Variants in RGPD4 observed in about 807,000 individuals in gnomAD.
The protein encoded by RGPD4 is RANBP2 like and GRIP domain containing 4.
RGPD4 carries 84 observed loss-of-function variants against 141.1 expected under a neutral mutation model. The observed-to-expected ratio is 0.60, with a 90% CI of 0.50 to 0.71. The LOEUF is 0.71. RGPD4 is among the 30% of genes least tolerant of loss of function. The pLI is 0.00. For synonymous variants in RGPD4, 298 were observed against 566.8 expected (o/e 0.53, Z 6.74); for missense variants, 918 against 1,622.4 (o/e 0.57, Z 7.46).
At chr2:107,834,813 T>C (rs1681616195) in intron 1 of RGPD4, among the ~76,000 whole-genome samples, 2 of 101,694 alleles carry the variant, frequency 2.0e-5, no homozygotes, top group South Asian at 8.1e-4. Flanking sequence ...AAAAGAAATT[T>C]GTGCTAGTTT....
At chr2:107,844,784 G>A (rs954861100) in intron 6 of RGPD4, among the ~76,000 whole-genome samples, 1 of 104,524 alleles carries the variant, frequency 9.6e-6, no homozygotes, top group African/African-American at 3.6e-5. Flanking sequence ...GGACATCAAA[G>A]ATGTTTGTAT....
rs1681859511 is a variant in RGPD4 at position 107,844,823 on chromosome 2, C to CTTTTTT, written c.782+1094_782+1099dup. ...GGTTCCTTTCTTTCTTTCTTTCTTT[C>CTTTTTT]TTTTTTGTTTTTTTTTTTTTTTTTT... On this transcript the variant is annotated intron_variant, in intron 6 of 22. Transcript: ENST00000408999. Among the ~76,000 whole-genome samples the CTTTTTT allele has an allele frequency of 1.7e-4, 9 of 53,844 alleles. 1 individual carries two copies. The highest frequency in any genetic ancestry group is 4.8e-4 in the African/African-American group (7 of 14,586). 35.3% of individuals were successfully genotyped at this position (53,844 alleles called of 152,430 possible). A position where few individuals can be genotyped will look rare whatever the true frequency, so the allele number is the denominator to read the frequency against.
At chr2:107,854,692 T>C (rs562989242) in intron 8 of RGPD4, 49 bp downstream of exon 8, 22,938 of 1,556,074 alleles carry the variant, frequency 0.015, 361 homozygotes, top group Non-Finnish European at 0.017. Context: ...AAGGAATTTC[T>C]GTTAAGGCAT....
Position 107,827,063 on chromosome 2 carries a change from G to A in RGPD4, c.50G>A (p.Gly17Asp). Residue 17 changes from glycine to aspartate, a missense_variant, in exon 1 of 23, where the codon GGC (glycine) becomes GAC (aspartate). Coordinates refer to ENST00000408999, the MANE Select transcript of RGPD4 (RefSeq NM_182588.3). ...GAGCGGTACGTCGCCTCCGTGCAGG[G>A]CTCCGCCCCGTCGCCTCGAAAGGTG... ...YGERYVASVQ[G>D]SAPSPRKKST... 1.3e-6 allele frequency: 2 copies of A among 1,593,718 alleles called. No individual in the cohort carries two copies. The highest frequency in any genetic ancestry group is 1.7e-6 in the Non-Finnish European group (2 of 1,171,384).
intron 9 of RGPD4, among the ~76,000 whole-genome samples, chr2:107,857,277 C>T (rs140903173): frequency 2.0e-5 from 3 of 151,682 alleles, no homozygotes; most frequent in South Asian, 4.2e-4. Context: ...AGCGGGATTA[C>T]AAATGCCCAC....
At chr2:107,880,274 T>TTTTC (rs1675320212) in intron 21 of RGPD4, among the ~76,000 whole-genome samples, 167 bp downstream of exon 21, 1 of 131,044 alleles carries the variant, frequency 7.6e-6, no homozygotes, top group Admixed American at 7.7e-5. Context: ...TTTTTTTTTT[T>TTTTC]TTTTTTTTTG....
intron 11 of RGPD4, 76 bp from the exon 12 acceptor site, chr2:107,859,646 C>T (rs1035199286): frequency 2.0e-5 from 33 of 1,611,042 alleles, no homozygotes; most frequent in Admixed American, 1.0e-4. Flanking sequence ...TGTCATGTGA[C>T]CCATTAACAT....
intron 20 of RGPD4, among the ~76,000 whole-genome samples, chr2:107,874,073 A>C (rs1485776941): frequency 6.8e-6 from 1 of 147,040 alleles, no homozygotes; most frequent in Non-Finnish European, 1.5e-5. Context: ...TTTGTTTTTT[A>C]AAATGTACTG....
At position 107,826,899 on chromosome 2, in the gene RGPD4, T is replaced by A. The variant is rs1313506362; in HGVS notation, c.-115T>A. ...GCAGGACACAAGTTCGTCACAGTGG[T>A]CCTCCGCCGGCTACGCGGAGTCAGT... On this transcript the variant is annotated 5_prime_UTR_variant, in exon 1 of 23. Coordinates refer to ENST00000408999, the MANE Select transcript of RGPD4 (RefSeq NM_182588.3). 1 of 1,541,752 alleles carries A rather than the reference T, an allele frequency of 6.5e-7. No homozygotes were observed. Among genetic ancestry groups the A allele is most frequent in the East Asian group, 2.5e-5 (1 of 40,504 alleles).
At chr2:107,847,147 C>T (rs1169523929) in intron 6 of RGPD4, among the ~76,000 whole-genome samples, 4 of 139,228 alleles carry the variant, frequency 2.9e-5, no homozygotes, top group African/African-American at 1.1e-4. Context: ...GAGGCTGAGG[C>T]GGAAGAATCG....
chr2:107,849,359 G>A (rs1682052618), intron 7 of RGPD4, among the ~76,000 whole-genome samples: 1 of 51,186 alleles, frequency 2.0e-5, no homozygotes, highest in African/African-American at 9.8e-5. Flanking sequence ...TGGCGCGCCT[G>A]GCCTTTTTTT....
rs539473404 is a variant in RGPD4 at position 107,890,646 on chromosome 2, T to C, written c.5267-75T>C. 2.4e-4 allele frequency: 295 copies of C among 1,239,786 alleles called. 2 individuals carry two copies. In the African/African-American group the frequency reaches 4.4e-3, roughly 18 times the overall value. 76.8% of individuals were successfully genotyped at this position (1,239,786 alleles called of 1,614,324 possible). The stretch of plus-strand genomic sequence containing the variant: ...ATTATTTGCTTATATTGTAGAGTGG[T>C]TCTAAAATATAGATTTTACATTGAG... On this transcript the variant is annotated intron_variant, in intron 22 of 22. Coordinates refer to ENST00000408999, the MANE Select transcript of RGPD4 (RefSeq NM_182588.3).
chr2:107,888,721 T>A (rs1021591373), intron 22 of RGPD4, among the ~76,000 whole-genome samples: 6 of 92,362 alleles, frequency 6.5e-5, no homozygotes, highest in Non-Finnish European at 1.3e-4. Context: ...TCTTCTCTGC[T>A]TGCACACTTT....
intron 22 of RGPD4, among the ~76,000 whole-genome samples, chr2:107,885,101 CAAAT>C (rs1428336037): frequency 6.6e-6 from 1 of 151,854 alleles, no homozygotes; most frequent in Non-Finnish European, 1.5e-5. Context: ...CACAAGGGCC[CAAAT>C]AAGAATACAT....
chr2:107,849,180 G>A (rs1355249622), intron 7 of RGPD4, among the ~76,000 whole-genome samples: 4 of 72,196 alleles, frequency 5.5e-5, no homozygotes, highest in African/African-American at 1.3e-4. Flanking sequence ...TCAGCCTCCC[G>A]AGTAGCTGGG....
At chr2:107,880,177 C>T (rs1480126327) in intron 21 of RGPD4, 70 bp downstream of exon 21, 2 of 1,603,484 alleles carry the variant, frequency 1.2e-6, no homozygotes, top group African/African-American at 1.4e-5. Flanking sequence ...TACACATGTA[C>T]CCAAGTTTAA....
In RGPD4 at chr2:107,872,764, C is replaced by G. The variant is rs772633794; in HGVS notation, c.4760C>G (p.Ser1587Ter). ...SLKSNNSETS[S>*]VAQSGSESKV... ...AAAAGTAACAACAGTGAAACTAGTTCAGTAGCCCAGAGTGGATCTGAAAGC... is the reference window on the plus strand; with the variant it reads ...AAAAGTAACAACAGTGAAACTAGTTGAGTAGCCCAGAGTGGATCTGAAAGC... The change falls in exon 20 of 23, where the codon TCA becomes TGA. Residue 1587 changes from serine (S) to a stop codon, truncating the protein, a stop_gained. Transcript: ENST00000408999. LOFTEE classifies it high-confidence loss of function. 1.1e-5 allele frequency: 18 copies of G among 1,611,402 alleles called. No individual in the cohort carries two copies. In the South Asian group the frequency reaches 2.0e-4, roughly 18 times the overall value.
intron 8 of RGPD4, among the ~76,000 whole-genome samples, 159 bp downstream of exon 8, chr2:107,854,802 G>A (rs568975647): frequency 6.6e-6 from 1 of 151,968 alleles, no homozygotes; most frequent in African/African-American, 2.4e-5. Flanking sequence ...GAGATGCGAA[G>A]AAATAGCACA....
At chr2:107,883,814 A>T (rs932878436) in intron 22 of RGPD4, among the ~76,000 whole-genome samples, 3 of 151,956 alleles carry the variant, frequency 2.0e-5, no homozygotes, top group Admixed American at 2.0e-4. Flanking sequence ...AATTACTTTT[A>T]TTTTTGACAT....
Sources: allele counts gnomAD v4.1 joint callset (sites outside exome capture counted in the v4.1 genomes callset), GRCh38; gene constraint gnomAD v4.1.1; transcripts MANE v1.5; gene names NCBI Gene and HGNC (gene_info 2026-07-23, HGNC 2026-07-21).